The following SRSF11 variants were observed in gnomAD, a reference collection of about 807,000 sequenced individuals.
SRSF11 encodes serine and arginine rich splicing factor 11.
In SRSF11, 9 loss-of-function variants were observed where a neutral mutation model predicts 56.0. That is an observed-to-expected ratio of 0.16 (90% CI 0.10 to 0.28). SRSF11 has a LOEUF of 0.28. SRSF11 is among the 10% of genes least tolerant of loss of function. The pLI is 1.00. For missense variants in SRSF11, 421 were observed against 600.7 expected, an observed-to-expected ratio of 0.70 and a Z score of 3.13; for synonymous variants, 222 against 215.3, an observed-to-expected ratio of 1.03 and a Z score of -0.27.
At position 70,221,573 on chromosome 1, in the gene SRSF11, C is replaced by A; in HGVS notation, c.-64C>A. On this transcript the variant is annotated 5_prime_UTR_variant, in exon 1 of 12. Transcript: ENST00000370949. ...TCCCGCAATCCGGTTCCTCTTCCCCCTCCTTCTCACTGTTTGTTGTGTGTT... is the reference window on the plus strand; with the variant it reads ...TCCCGCAATCCGGTTCCTCTTCCCCATCCTTCTCACTGTTTGTTGTGTGTT... 1 of 1,541,486 alleles carries A rather than the reference C, an allele frequency of 6.5e-7. No individual in the cohort carries two copies.
chr1:70,218,385 A>T (rs894464944), upstream of SRSF11, among the ~76,000 whole-genome samples: 2 of 152,332 alleles, frequency 1.3e-5, no homozygotes, highest in Admixed American at 1.3e-4. Flanking sequence ...TCAGTTGCAT[A>T]AACTTTTTGC....
chr1:70,250,661 G>A lies in SRSF11; in HGVS notation c.1311G>A (p.Glu437=). ...AACAGGGGTATGACAGTGAGAAAGA[G>A]AAAAAAGAAGAGAAGAAACCAATAG... ...EEEQGYDSEK[E]KKEEKKPIET... The change falls in exon 12 of 12, where the codon GAG becomes GAA. Residue 437 remains glutamate, a synonymous_variant. Coordinates refer to ENST00000370949, the MANE Select transcript of SRSF11 (RefSeq NM_001350605.2). 1 of 1,613,792 alleles carries A rather than the reference G, an allele frequency of 6.2e-7. No homozygotes were observed. Among genetic ancestry groups the A allele is most frequent in the South Asian group, 1.1e-5 (1 of 91,066 alleles).
chr1:70,221,188 T>C (rs1192930088), upstream of SRSF11, among the ~76,000 whole-genome samples: 1 of 152,042 alleles, frequency 6.6e-6, no homozygotes, highest in Non-Finnish European at 1.5e-5. Context: ...TACGTGCCTC[T>C]TCGCTCTTCC....
At chr1:70,229,036 G>A (rs1338053324) in intron 2 of SRSF11, 2 of 984,812 alleles carry the variant, frequency 2.0e-6, no homozygotes, top group Non-Finnish European at 2.4e-6. Context: ...TATACCAAGG[G>A]TTGCAGTGAT....
Position 70,250,643 on chromosome 1 carries a change from G to C in SRSF11, c.1293G>C (p.Gly431=). The stretch of plus-strand genomic sequence containing the variant: ...GGGATTATGATGAAGAGGAACAGGG[G>C]TATGACAGTGAGAAAGAGAAAAAAG... ...VTRDYDEEEQ[G]YDSEKEKKEE... is the part of the protein sequence containing the mutation. Residue 431 remains glycine, a synonymous_variant, in exon 12 of 12, where the codon GGG becomes GGC. Transcript: ENST00000370949. 1 of 1,613,944 alleles carries C rather than the reference G, an allele frequency of 6.2e-7. No individual in the cohort carries two copies. Among genetic ancestry groups the C allele is most frequent in the Non-Finnish European group, 8.5e-7 (1 of 1,179,936 alleles).
chr1:70,211,503 A>G (rs1277227099), intron 1 of SRSF11, among the ~76,000 whole-genome samples: 1 of 152,206 alleles, frequency 6.6e-6, no homozygotes, highest in Non-Finnish European at 1.5e-5. Context: ...CATCAACTTA[A>G]GGAGAAAAAT....
intron 1 of SRSF11, among the ~76,000 whole-genome samples, chr1:70,206,780 C>A (rs1011167876): frequency 3.9e-5 from 6 of 151,992 alleles, no homozygotes; most frequent in Non-Finnish European, 7.4e-5. Context: ...CGGTTTTTAA[C>A]TCTACCCTTT....
chr1:70,238,158 A>G (rs1674531663), intron 6 of SRSF11, among the ~76,000 whole-genome samples: 1 of 152,160 alleles, frequency 6.6e-6, no homozygotes, highest in Non-Finnish European at 1.5e-5. Context: ...TTAAAGTATA[A>G]TAGTGGATAA....
intron 1 of SRSF11, among the ~76,000 whole-genome samples, 194 bp from the exon 2 acceptor site, chr1:70,228,228 A>G (rs1672233804): frequency 6.6e-6 from 1 of 152,236 alleles, no homozygotes; most frequent in South Asian, 2.1e-4. Context: ...ATAAGTTTTT[A>G]TCTGAACTGC....
chr1:70,246,844 A>C lies in SRSF11; in HGVS notation c.959A>C (p.Lys320Thr). The C allele has an allele frequency of 6.2e-7, 1 of 1,611,336 alleles. No homozygotes were observed. Among genetic ancestry groups the C allele is most frequent in the Non-Finnish European group, 8.5e-7 (1 of 1,178,758 alleles). Reference protein sequence around the residue: ...TRDKKKEDKEKKRSKTPPKSY... With the variant: ...TRDKKKEDKETKRSKTPPKSY... Reference sequence around the variant, plus strand: ...GACAAAAAGAAAGAAGACAAAGAAAAGAAACGTTCTAAAACACCACCAAAA... The same window carrying C: ...GACAAAAAGAAAGAAGACAAAGAAACGAAACGTTCTAAAACACCACCAAAA... Residue 320 changes from lysine to threonine, a missense_variant, in exon 9 of 12, where the codon AAG becomes ACG. Lys to Thr is a moderately conservative substitution (Grantham distance 78). This residue lies in a region of SRSF11 where 253 missense variants were observed against 305.8 expected (regional missense o/e 0.83). Transcript: ENST00000370949.
intron 1 of SRSF11, among the ~76,000 whole-genome samples, chr1:70,222,590 A>T (rs929338947): frequency 6.6e-6 from 1 of 152,242 alleles, no homozygotes; most frequent in Non-Finnish European, 1.5e-5. Flanking sequence ...AAGAAAAAAT[A>T]GTTCAAAGAA....
chr1:70,223,718 C>G (rs1671139016), intron 1 of SRSF11, among the ~76,000 whole-genome samples: 1 of 152,168 alleles, frequency 6.6e-6, no homozygotes, highest in Non-Finnish European at 1.5e-5. Context: ...TAGATGGCTA[C>G]TTTTATTTAC....
intron 2 of SRSF11, chr1:70,230,804 A>C (rs946033629): frequency 2.9e-5 from 34 of 1,177,304 alleles, no homozygotes; most frequent in Admixed American, 4.1e-5. Context: ...TTTGAGTAAG[A>C]TGTTGATACT....
At chr1:70,226,410 C>G (rs750412887) in intron 1 of SRSF11, among the ~76,000 whole-genome samples, 1 of 151,890 alleles carries the variant, frequency 6.6e-6, no homozygotes, top group Admixed American at 6.6e-5. Flanking sequence ...CATTCCTATG[C>G]CATTAATGAG....
chr1:70,227,071 A>T (rs1671946267), intron 1 of SRSF11, among the ~76,000 whole-genome samples: 1 of 152,178 alleles, frequency 6.6e-6, no homozygotes, highest in South Asian at 2.1e-4. Flanking sequence ...AGCTTGTATC[A>T]GAAGTTCTAA....
At position 70,250,661 on chromosome 1, in the gene SRSF11, GA is replaced by G; in HGVS notation, c.1317del (p.Glu440LysfsTer6). 6.2e-7 allele frequency: 1 copy of G among 1,613,792 alleles called. No individual in the cohort carries two copies. The highest frequency in any genetic ancestry group is 8.5e-7 in the Non-Finnish European group (1 of 1,179,902). On this transcript the variant is annotated frameshift_variant, in exon 12 of 12. Coordinates refer to ENST00000370949, the MANE Select transcript of SRSF11 (RefSeq NM_001350605.2). LOFTEE classifies it high-confidence loss of function. ...AACAGGGGTATGACAGTGAGAAAGA[GA>G]AAAAAGAAGAGAAGAAACCAATAGA... ...EEQGYDSEKEKKEEKKPIETG... is the reference protein window; with the variant it reads ...EEQGYDSEKEXKEEKKPIETG...
At chr1:70,216,079 C>T (rs376091660) in intron 1 of SRSF11, among the ~76,000 whole-genome samples, 1 of 152,174 alleles carries the variant, frequency 6.6e-6, no homozygotes. Flanking sequence ...AGCCACCGTG[C>T]GTGGCCTGTC....
chr1:70,246,517 G>T (rs1300851451), intron 8 of SRSF11, among the ~76,000 whole-genome samples: 1 of 152,014 alleles, frequency 6.6e-6, no homozygotes, highest in African/African-American at 2.4e-5. Flanking sequence ...GAGGAGCCTA[G>T]AGATAGTTAA....
At chr1:70,240,429 G>A (rs1675083382) in intron 7 of SRSF11, among the ~76,000 whole-genome samples, 1 of 152,108 alleles carries the variant, frequency 6.6e-6, no homozygotes, top group Non-Finnish European at 1.5e-5. Flanking sequence ...ACCCACTATG[G>A]CTTTTGTGAC....
Sources: gnomAD v4.1 joint callset for allele counts (sites outside exome capture counted in the v4.1 genomes callset) on GRCh38, gnomAD v4.1.1 for gene constraint, gnomAD v4.1.1 regional missense constraint, MANE v1.5 for transcripts, NCBI Gene and HGNC (gene_info 2026-07-23, HGNC 2026-07-21) for gene names.